The following DYM variants were observed in gnomAD, a reference collection of about 807,000 sequenced individuals.
The protein encoded by DYM is dyggve-Melchior-Clausen syndrome protein.
In DYM, 78 loss-of-function variants were observed where a neutral mutation model predicts 93.1. The ratio of observed to expected loss-of-function variants is 0.84; its 90% CI spans 0.70 to 1.01. The LOEUF is 1.01. Ranked by LOEUF, DYM falls within the 50% of genes least tolerant of loss-of-function variation. The pLI, the probability that DYM is intolerant of heterozygous loss-of-function variation, is 0.00. For synonymous variants in DYM, 321 were observed against 319.7 expected (o/e 1.00, Z -0.04); for missense variants, 789 against 845.0 (o/e 0.93, Z 0.82).
chr18:49,352,806 A>G (rs376029736), intron 6 of DYM, among the ~76,000 whole-genome samples: 1 of 152,190 alleles, frequency 6.6e-6, no homozygotes, highest in Non-Finnish European at 1.5e-5. Context: ...TTGATGCCCA[A>G]ATAACTGACA....
At chr18:49,130,100 C>G (rs572157487) in intron 15 of DYM, among the ~76,000 whole-genome samples, 4 of 152,306 alleles carry the variant, frequency 2.6e-5, no homozygotes, top group African/African-American at 9.6e-5. Context: ...AGAGAAAGGT[C>G]TACTTCTGAG....
At chr18:49,131,080 G>C (rs1204220669) in intron 15 of DYM, among the ~76,000 whole-genome samples, 1 of 152,230 alleles carries the variant, frequency 6.6e-6, no homozygotes, top group Admixed American at 6.5e-5. Flanking sequence ...AGCAGATAAA[G>C]AGTGTTCCTT....
intron 2 of DYM, among the ~76,000 whole-genome samples, chr18:49,406,506 A>G (rs1437642342): frequency 6.6e-6 from 1 of 152,178 alleles, no homozygotes; most frequent in African/African-American, 2.4e-5. Flanking sequence ...GGTTGCAGAG[A>G]GCCGAGATCA....
At chr18:49,321,303 C>T in intron 8 of DYM, 1 of 398,056 alleles carries the variant, frequency 2.5e-6, no homozygotes, top group South Asian at 1.3e-4. Flanking sequence ...TTCTATATTC[C>T]TCCTTGTAAA....
At chr18:49,217,791 T>A (rs910073305) in intron 13 of DYM, among the ~76,000 whole-genome samples, 2 of 152,172 alleles carry the variant, frequency 1.3e-5, no homozygotes, top group African/African-American at 4.8e-5. Flanking sequence ...TACCACCCAC[T>A]GCAAAAACAT....
chr18:49,394,079 G>A (rs531228675), intron 2 of DYM, among the ~76,000 whole-genome samples: 1 of 152,268 alleles, frequency 6.6e-6, no homozygotes, highest in South Asian at 2.1e-4. Flanking sequence ...GCATGATAAT[G>A]TGAATATACT....
intron 14 of DYM, among the ~76,000 whole-genome samples, chr18:49,194,743 C>CA (rs528099464): frequency 2.6e-5 from 4 of 151,134 alleles, no homozygotes; most frequent in South Asian, 4.2e-4. Context: ...ATAAGTAACA[C>CA]AAAAAAATAT....
intron 6 of DYM, among the ~76,000 whole-genome samples, chr18:49,355,573 A>T (rs1192191167): frequency 1.3e-5 from 2 of 152,168 alleles, no homozygotes. Context: ...GAAGTAAACT[A>T]TATTTGGGTG....
rs575194643 is a variant in DYM, at chr18:49,419,946, A to G, written c.140+10309T>C. ...CTCTTTTCCTCTAAGTCGTATCACT[A>G]TCACATGAGCAGCAGTACTCAGTGA... On this transcript the variant is annotated intron_variant, in intron 2 of 17. Coordinates refer to ENST00000675505, the MANE Select transcript of DYM (RefSeq NM_001353214.3). Among the ~76,000 whole-genome samples, 5 of 152,320 alleles carry G rather than the reference A, an allele frequency of 3.3e-5. 1 individual carries two copies. In the East Asian group the frequency reaches 9.6e-4, roughly 29 times the overall value.
At position 49,044,109 on chromosome 18, in the gene DYM, G is replaced by C; in HGVS notation, c.2121C>G (p.Val707=). ...YVWSLVYNSA[V]GLYWNPQDIQ... Reference sequence around the variant, plus strand: ...TGTCCTGTGGATTCCAGTACAGGCCGACTGCTGAGTTGTAGACAAGAGACC... The same window carrying C: ...TGTCCTGTGGATTCCAGTACAGGCCCACTGCTGAGTTGTAGACAAGAGACC... The change falls in exon 18 of 18, where the codon GTC becomes GTG. Residue 707 remains valine, a synonymous_variant. Transcript: ENST00000675505. 1.9e-6 allele frequency: 3 copies of C among 1,614,058 alleles called. No individual in the cohort carries two copies. Among genetic ancestry groups the C allele is most frequent in the Non-Finnish European group, 2.5e-6 (3 of 1,180,030 alleles).
chr18:49,101,899 C>G (rs2080185752), intron 16 of DYM, among the ~76,000 whole-genome samples: 1 of 152,148 alleles, frequency 6.6e-6, no homozygotes, highest in South Asian at 2.1e-4. Context: ...GAATAGACAT[C>G]ATGGTAAAGT....
chr18:49,457,957 G>A (rs1461187998), intron 1 of DYM, among the ~76,000 whole-genome samples: 2 of 152,188 alleles, frequency 1.3e-5, no homozygotes, highest in Non-Finnish European at 2.9e-5. Context: ...TCTAGAAGCT[G>A]GAAGAGGCAT....
intron 15 of DYM, among the ~76,000 whole-genome samples, chr18:49,145,367 T>C (rs746092690): frequency 1.3e-5 from 2 of 151,850 alleles, no homozygotes; most frequent in Non-Finnish European, 2.9e-5. Context: ...AATGGATATA[T>C]ATTTAGGTTC....
At chr18:49,338,530 A>G (rs559516300) in intron 6 of DYM, among the ~76,000 whole-genome samples, 1 of 152,344 alleles carries the variant, frequency 6.6e-6, no homozygotes, top group Non-Finnish European at 1.5e-5. Context: ...CAGCTGTAGT[A>G]AGAAAAACAG....
chr18:49,272,868 C>G (rs2094743903), intron 10 of DYM, among the ~76,000 whole-genome samples: 1 of 152,084 alleles, frequency 6.6e-6, no homozygotes, highest in Non-Finnish European at 1.5e-5. Flanking sequence ...GTGCTTATTT[C>G]AAATCATTGA....
At chr18:49,277,873 C>T (rs928617578) in intron 10 of DYM, among the ~76,000 whole-genome samples, 2 of 152,252 alleles carry the variant, frequency 1.3e-5, no homozygotes, top group African/African-American at 2.4e-5. Flanking sequence ...AGGTATTTGG[C>T]GGTTTAAAGA....
rs1417302530 is a variant in DYM at position 49,426,754 on chromosome 18, CATGTGTGTGTGT to C, written c.140+3489_140+3500del. Among the ~76,000 whole-genome samples the C allele has an allele frequency of 4.1e-4, 15 of 36,460 alleles. No individual in the cohort carries two copies. In the South Asian group the frequency reaches 7.4e-3, roughly 18 times the overall value. The allele number at this position is 36,460 out of a possible 152,430, so 23.9% of individuals were successfully genotyped here. A position where few individuals can be genotyped will look rare whatever the true frequency, so the allele number is the denominator to read the frequency against. ...GACTGCTATTAGTCACACTGGAAAA[CATGTGTGTGTGT>C]GTGTGTGTGTGTGTGTGTGTGTGTG... is the stretch of plus-strand genomic sequence containing the variant. On this transcript the variant is annotated intron_variant, in intron 2 of 17. Transcript: ENST00000675505.
At chr18:49,233,852 C>T (rs894156065) in intron 13 of DYM, among the ~76,000 whole-genome samples, 24 of 152,046 alleles carry the variant, frequency 1.6e-4, no homozygotes, top group African/African-American at 4.8e-4. Context: ...GCTGGCCGGG[C>T]GCGGTGGCTC....
intron 15 of DYM, among the ~76,000 whole-genome samples, chr18:49,145,080 C>G (rs529983940): frequency 2.3e-4 from 22 of 94,222 alleles, no homozygotes; most frequent in African/African-American, 5.9e-4. Flanking sequence ...GCCTGGGCAA[C>G]AGTGCAAGAT....
Sources: allele counts gnomAD v4.1 joint callset (sites outside exome capture counted in the v4.1 genomes callset), GRCh38; gene constraint gnomAD v4.1.1; transcripts MANE v1.5; gene names NCBI Gene and HGNC (gene_info 2026-07-23, HGNC 2026-07-21).